GRIN3A: variants seen among roughly 807,000 people sequenced by gnomAD.
GRIN3A encodes glutamate receptor ionotropic, NMDA 3A.
In GRIN3A, 47 loss-of-function variants were observed where a neutral mutation model predicts 92.4. The ratio of observed to expected loss-of-function variants is 0.51; its 90% CI spans 0.40 to 0.65. The LOEUF (loss-of-function observed/expected upper bound fraction) is 0.65. Among genes scored for constraint, GRIN3A ranks in the 30% least tolerant of loss-of-function variants. GRIN3A has a pLI of 0.00. For missense variants in GRIN3A, 1,324 were observed against 1,393.1 expected, an observed-to-expected ratio of 0.95 and a Z score of 0.79; for synonymous variants, 527 against 540.6, an observed-to-expected ratio of 0.97 and a Z score of 0.35.
At chr9:101,595,102 C>T in intron 6 of GRIN3A, 1 of 569,410 alleles carries the variant, frequency 1.8e-6, no homozygotes, top group South Asian at 2.6e-5. Context: ...AGAGAGGGAG[C>T]GGAGAGAGGA....
intron 1 of GRIN3A, among the ~76,000 whole-genome samples, chr9:101,719,059 T>A (rs907091361): frequency 2.0e-5 from 3 of 152,170 alleles, no homozygotes; most frequent in African/African-American, 7.2e-5. Context: ...GACATACTGC[T>A]GCCATTTAGG....
intron 6 of GRIN3A, among the ~76,000 whole-genome samples, chr9:101,596,998 A>G (rs978466370): frequency 2.6e-5 from 4 of 152,214 alleles, no homozygotes; most frequent in Admixed American, 6.5e-5. Flanking sequence ...ATGCCCATGA[A>G]GCTGGCCCTG....
At chr9:101,687,311 A>C (rs7856857) in intron 1 of GRIN3A, 111 bp from the exon 2 acceptor site, 319,624 of 1,044,148 alleles carry the variant, frequency 0.31, 52,020 homozygotes, top group African/African-American at 0.48. Context: ...ACTGTGATAC[A>C]TAGTTCTGGG....
rs114875110 is a variant in GRIN3A, at chr9:101,695,413, C to T, written c.700-8213G>A. 1.5e-3 allele frequency among the ~76,000 whole-genome samples: 232 copies of T among 152,234 alleles called. 4 individuals carry two copies. Among genetic ancestry groups the T allele is most frequent in the African/African-American group, 5.4e-3 (225 of 41,550 alleles). ...AGATTAGGAATAAGACAGTAGCAGA[C>T]AAGAAATAAGGCCCCCAGTTTGAGC... On this transcript the variant is annotated intron_variant, in intron 1 of 8. Coordinates refer to ENST00000361820, the MANE Select transcript of GRIN3A (RefSeq NM_133445.3).
At chr9:101,723,211 G>T (rs1329051621) in intron 1 of GRIN3A, among the ~76,000 whole-genome samples, 1 of 152,132 alleles carries the variant, frequency 6.6e-6, no homozygotes, top group South Asian at 2.1e-4. Flanking sequence ...AGCTCTTAAG[G>T]TGGCGCGTCT....
Position 101,738,124 on chromosome 9 carries a change from A to G in GRIN3A, c.-145T>C. ...GGTCCCAGGAGCTGGAGCGGTCTCT[A>G]GGCCATGCAAGTTGGAGCGTAGCGC... On this transcript the variant is annotated 5_prime_UTR_variant, in exon 1 of 9. It removes the in-frame stop codon of an upstream open reading frame in the 5' UTR. Transcript: ENST00000361820. The G allele has an allele frequency of 1.3e-6, 1 of 753,612 alleles. No individual in the cohort carries two copies. The highest frequency in any genetic ancestry group is 2.3e-6 in the Non-Finnish European group (1 of 437,120). 46.7% of individuals were successfully genotyped at this position (753,612 alleles called of 1,614,324 possible).
chr9:101,621,572 T>G (rs998583428), intron 5 of GRIN3A, among the ~76,000 whole-genome samples: 10 of 152,172 alleles, frequency 6.6e-5, no homozygotes, highest in Admixed American at 5.9e-4. Flanking sequence ...CCATGCACCA[T>G]TTTGTGCTCA....
At position 101,569,661 on chromosome 9, in the gene GRIN3A, T is replaced by G. The variant is rs549766822; in HGVS notation, c.*3513A>C. On this transcript the variant is annotated 3_prime_UTR_variant, in exon 9 of 9. Coordinates refer to ENST00000361820, the MANE Select transcript of GRIN3A (RefSeq NM_133445.3). ...GGAATCCTGGATTAGATGGATAGTT[T>G]AGGTGGGTAAAGAAAGGAATAACTA... is the stretch of plus-strand genomic sequence containing the variant. 5 of 152,334 alleles carry G rather than the reference T, an allele frequency of 3.3e-5. No individual in the cohort carries two copies. The highest frequency in any genetic ancestry group is 1.2e-4 in the African/African-American group (5 of 41,584). The allele number at this position is 152,334 out of a possible 1,614,324, so 9.4% of individuals were successfully genotyped here.
intron 6 of GRIN3A, among the ~76,000 whole-genome samples, chr9:101,607,088 C>T (rs1828296268): frequency 6.6e-6 from 1 of 151,132 alleles, no homozygotes; most frequent in African/African-American, 2.4e-5. Flanking sequence ...TTGCCAGAGT[C>T]TGGTCGGCAG....
At chr9:101,733,979 A>G (rs1019187263) in intron 1 of GRIN3A, among the ~76,000 whole-genome samples, 21 of 152,266 alleles carry the variant, frequency 1.4e-4, no homozygotes, top group Admixed American at 1.4e-3. Context: ...GACTACATGT[A>G]GGTGCCACCA....
In GRIN3A at chr9:101,738,065, G is replaced by A; in HGVS notation, c.-86C>T. The A allele has an allele frequency of 8.6e-7, 1 of 1,162,594 alleles. No homozygotes were observed. The highest frequency in any genetic ancestry group is 2.6e-5 in the East Asian group (1 of 39,164). The allele number at this position is 1,162,594 out of a possible 1,614,324, so 72.0% of individuals were successfully genotyped here. A position where few individuals can be genotyped will look rare whatever the true frequency, so the allele number is the denominator to read the frequency against. On this transcript the variant is annotated 5_prime_UTR_variant, in exon 1 of 9. Transcript: ENST00000361820. ...CGCTGCCTGAGGTCTCCGCCTCCAG[G>A]TCCCGCGCGCAGCTTCACTCCACTC... is the stretch of plus-strand genomic sequence containing the variant.
In GRIN3A at chr9:101,674,907, A is replaced by G. The variant is rs929616298; in HGVS notation, c.1305-3800T>C. ...GTTGAAACTAGACTATGGAGGCCTC[A>G]TGTACCTGTTTTATGACATTGGATT... is the stretch of plus-strand genomic sequence containing the variant. On this transcript the variant is annotated intron_variant, in intron 2 of 8. Transcript: ENST00000361820. 2.6e-5 allele frequency among the ~76,000 whole-genome samples: 4 copies of G among 152,074 alleles called. No homozygotes were observed. In the South Asian group the frequency reaches 8.3e-4, roughly 31 times the overall value.
chr9:101,727,216 C>T (rs369952812), intron 1 of GRIN3A, among the ~76,000 whole-genome samples: 23 of 152,178 alleles, frequency 1.5e-4, no homozygotes, highest in African/African-American at 5.5e-4. Flanking sequence ...AACTATCTAG[C>T]CATTACAAAT....
At chr9:101,728,756 C>T (rs1162356112) in intron 1 of GRIN3A, among the ~76,000 whole-genome samples, 2 of 152,146 alleles carry the variant, frequency 1.3e-5, no homozygotes, top group Non-Finnish European at 2.9e-5. Context: ...GGTAGTAGTG[C>T]ATGGGCACTG....
intron 6 of GRIN3A, among the ~76,000 whole-genome samples, chr9:101,595,517 T>C (rs1478820567): frequency 6.6e-6 from 1 of 152,056 alleles, no homozygotes; most frequent in Non-Finnish European, 1.5e-5. Flanking sequence ...AGGTGACACA[T>C]CAAGGCATTG....
At chr9:101,700,032 C>T (rs1005860622) in intron 1 of GRIN3A, among the ~76,000 whole-genome samples, 1 of 152,182 alleles carries the variant, frequency 6.6e-6, no homozygotes, top group African/African-American at 2.4e-5. Flanking sequence ...TTACCTGTCT[C>T]TCTTCATCTT....
At position 101,668,482 on chromosome 9, in the gene GRIN3A, A is replaced by C. The variant is rs1388720131; in HGVS notation, c.2352+1578T>G. On this transcript the variant is annotated intron_variant, in intron 3 of 8. Coordinates refer to ENST00000361820, the MANE Select transcript of GRIN3A (RefSeq NM_133445.3). ...GTTTCTAGTGAGGCTGAAAACCTTC[A>C]GAAGATTTACAGGACTCCTGGGGCA... Among the ~76,000 whole-genome samples the C allele has an allele frequency of 2.0e-5, 3 of 152,106 alleles. No homozygotes were observed. In the East Asian group the frequency reaches 5.8e-4, roughly 29 times the overall value.
intron 3 of GRIN3A, 101 bp from the exon 4 acceptor site, chr9:101,628,502 C>A: frequency 8.5e-7 from 1 of 1,178,952 alleles, no homozygotes; most frequent in Middle Eastern, 2.0e-4. Flanking sequence ...TAATTCGGAA[C>A]TTTTCTAACC....
At chr9:101,636,244 C>T (rs893855625) in intron 3 of GRIN3A, among the ~76,000 whole-genome samples, 1 of 152,196 alleles carries the variant, frequency 6.6e-6, no homozygotes, top group Non-Finnish European at 1.5e-5. Flanking sequence ...ACATCCTTTT[C>T]GTCCAGACTT....
Sources: allele counts gnomAD v4.1 joint callset (sites outside exome capture counted in the v4.1 genomes callset), GRCh38; gene constraint gnomAD v4.1.1; transcripts MANE v1.5; gene names NCBI Gene and HGNC (gene_info 2026-07-23, HGNC 2026-07-21).